Variants in SEC62 observed in about 807,000 individuals in gnomAD.
SEC62 encodes the protein SEC62 preprotein translocation factor.
Under a neutral mutation model 47.5 loss-of-function variants are expected in SEC62, and 10 were observed. The observed-to-expected ratio is 0.21, with a 90% CI of 0.13 to 0.36. The LOEUF (loss-of-function observed/expected upper bound fraction) is 0.36, where lower values mean the gene tolerates loss of function less well. Ranked by LOEUF, SEC62 falls within the 10% of genes least tolerant of loss-of-function variation. The pLI is 1.00. For missense variants in SEC62, 327 were observed against 464.1 expected, an observed-to-expected ratio of 0.70 and a Z score of 2.71; for synonymous variants, 136 against 150.5, an observed-to-expected ratio of 0.90 and a Z score of 0.71.
intron 1 of SEC62, among the ~76,000 whole-genome samples, chr3:169,967,241 C>T (rs1714553970): frequency 6.6e-6 from 1 of 152,190 alleles, no homozygotes; most frequent in Non-Finnish European, 1.5e-5. Context: ...TCCCTTCACC[C>T]CATCCTCTGG....
chr3:169,987,546 T>C lies in SEC62; in HGVS notation c.611-694T>C, dbSNP rs566584244. Among the ~76,000 whole-genome samples the C allele has an allele frequency of 8.5e-5, 13 of 152,378 alleles. No individual in the cohort carries two copies. In the South Asian group the frequency reaches 1.0e-3, roughly 12 times the overall value. ...AGAATAGGAAGAGACTTATTAAATA[T>C]AAGGTAACTTAGCCTCAAAAGAGTT... On this transcript the variant is annotated intron_variant, in intron 6 of 7. Transcript: ENST00000337002.
intron 6 of SEC62, among the ~76,000 whole-genome samples, chr3:169,987,840 G>T (rs895948511): frequency 5.9e-5 from 9 of 152,086 alleles, no homozygotes; most frequent in Non-Finnish European, 1.3e-4. Flanking sequence ...GAGGGGTCTT[G>T]GAAATCATTT....
rs1203192424 is a variant in SEC62 at position 169,983,257 on chromosome 3, A to G, written c.549+4A>G. Reference sequence around the variant, plus strand: ...GGTTTTTCTGGATGGAAATGAGGTGAGAGTAAGCCTATAACTAGAAGTTCA... The same window carrying G: ...GGTTTTTCTGGATGGAAATGAGGTGGGAGTAAGCCTATAACTAGAAGTTCA... On this transcript the variant is annotated splice_donor_region_variant and intron_variant, in intron 5 of 7. Transcript: ENST00000337002. 2 of 1,598,000 alleles carry G rather than the reference A, an allele frequency of 1.3e-6. No individual in the cohort carries two copies. The highest frequency in any genetic ancestry group is 2.7e-5 in the African/African-American group (2 of 74,268).
intron 6 of SEC62, 23 bp from the exon 7 acceptor site, chr3:169,988,217 A>T: frequency 1.2e-6 from 2 of 1,612,518 alleles, no homozygotes; most frequent in Non-Finnish European, 1.7e-6. Context: ...CTAAAATTTA[A>T]CTTTTGTCAT....
rs968841014 is a variant in SEC62, at chr3:169,979,008, G to A, written c.251+1957G>A. ...ATTAGATCTGTAAGCCCAAATCTCT[G>A]AGTAGAGCAGCCAGTATGAATCCAC... is the stretch of plus-strand genomic sequence containing the variant. On this transcript the variant is annotated intron_variant, in intron 3 of 7. Transcript: ENST00000337002. Among the ~76,000 whole-genome samples the A allele has an allele frequency of 2.0e-4, 30 of 152,174 alleles. 1 individual carries two copies. Among genetic ancestry groups the A allele is most frequent in the African/African-American group, 7.0e-4 (29 of 41,436 alleles).
At chr3:169,974,063 C>T (rs1029678239) in intron 1 of SEC62, among the ~76,000 whole-genome samples, 2 of 152,212 alleles carry the variant, frequency 1.3e-5, no homozygotes, top group Admixed American at 6.5e-5. Context: ...CTTCTCTTAA[C>T]TTTGGAAAAA....
Position 169,988,227 on chromosome 3 carries a change from T to C in SEC62, c.611-13T>C. On this transcript the variant is annotated splice_polypyrimidine_tract_variant and intron_variant, in intron 6 of 7. Coordinates refer to ENST00000337002, the MANE Select transcript of SEC62 (RefSeq NM_003262.4). ...TTATTCTAAAATTTAACTTTTGTCA[T>C]TTCTTGTTCCAGTGATTGCAGTAAT... 1 of 1,613,344 alleles carries C rather than the reference T, an allele frequency of 6.2e-7. No individual in the cohort carries two copies. Among genetic ancestry groups the C allele is most frequent in the Non-Finnish European group, 8.5e-7 (1 of 1,179,432 alleles).
chr3:169,975,487 G>A, intron 1 of SEC62, 121 bp from the exon 2 acceptor site: 4 of 588,108 alleles, frequency 6.8e-6, no homozygotes, highest in Non-Finnish European at 1.2e-5. Context: ...TCCAGAGAAA[G>A]CTTGAAAGCA....
At chr3:169,981,317 T>C (rs892604879) in intron 3 of SEC62, among the ~76,000 whole-genome samples, 3 of 152,172 alleles carry the variant, frequency 2.0e-5, no homozygotes, top group Admixed American at 1.3e-4. Flanking sequence ...CTGGACCTAA[T>C]TGGGGAGCAG....
chr3:169,968,783 G>T (rs1489155352), intron 1 of SEC62, among the ~76,000 whole-genome samples: 8 of 152,268 alleles, frequency 5.3e-5, no homozygotes, highest in Admixed American at 2.6e-4. Flanking sequence ...GAGTTATGTA[G>T]AGTATAGCTG....
Position 169,992,748 on chromosome 3 carries a change from A to G in SEC62, c.885A>G (p.Lys295=). 1 of 1,614,186 alleles carries G rather than the reference A, an allele frequency of 6.2e-7. No homozygotes were observed. Among genetic ancestry groups the G allele is most frequent in the Non-Finnish European group, 8.5e-7 (1 of 1,180,044 alleles). The part of the protein sequence containing the change: ...EYKGPKADLK[K]DEKSETKKQQ... Reference sequence around the variant, plus strand: ...AAGGACCAAAAGCAGACTTAAAGAAAGATGAGAAGTCTGAAACCAAAAAGC... The same window carrying G: ...AAGGACCAAAAGCAGACTTAAAGAAGGATGAGAAGTCTGAAACCAAAAAGC... Residue 295 remains lysine, a synonymous_variant, in exon 8 of 8, where the codon AAA becomes AAG. Coordinates refer to ENST00000337002, the MANE Select transcript of SEC62 (RefSeq NM_003262.4). This position sits in a 1 kb window ranked among gnomAD's most constrained non-coding sequence, Gnocchi z 4.0.
chr3:169,990,728 C>T (rs1715230752), intron 7 of SEC62, among the ~76,000 whole-genome samples: 1 of 152,150 alleles, frequency 6.6e-6, no homozygotes, highest in Non-Finnish European at 1.5e-5. Flanking sequence ...TAATTTTAAG[C>T]ATATTTACCT....
intron 1 of SEC62, among the ~76,000 whole-genome samples, chr3:169,968,111 A>C (rs1429598106): frequency 1.3e-5 from 2 of 152,238 alleles, no homozygotes; most frequent in Non-Finnish European, 2.9e-5. Context: ...TCTTAAGATC[A>C]GTAGAAGTTT....
intron 1 of SEC62, chr3:169,969,416 A>G (rs1419913157): frequency 4.4e-6 from 2 of 451,998 alleles, no homozygotes; most frequent in Non-Finnish European, 8.9e-6. Flanking sequence ...GTAACTACAT[A>G]TAGATTAACA....
At chr3:169,971,554 A>G (rs1272360211) in intron 1 of SEC62, among the ~76,000 whole-genome samples, 1 of 152,260 alleles carries the variant, frequency 6.6e-6, no homozygotes, top group East Asian at 1.9e-4. Context: ...GGGAGAGATT[A>G]TCCAAGTCCG....
At chr3:169,984,065 G>A (rs1715041694) in intron 5 of SEC62, 1 of 152,116 alleles carries the variant, frequency 6.6e-6, no homozygotes, top group Non-Finnish European at 1.5e-5. Flanking sequence ...GTTATATACT[G>A]GGCATTGAAC....
intron 1 of SEC62, among the ~76,000 whole-genome samples, chr3:169,967,537 G>T (rs1050335840): frequency 1.3e-5 from 2 of 152,182 alleles, no homozygotes; most frequent in African/African-American, 2.4e-5. Flanking sequence ...CAACGAGCTG[G>T]TGGAGCCCAG....
chr3:169,973,749 C>G (rs1490872889), intron 1 of SEC62, among the ~76,000 whole-genome samples: 1 of 151,976 alleles, frequency 6.6e-6, no homozygotes, highest in Non-Finnish European at 1.5e-5. Flanking sequence ...TTTATAGTAG[C>G]CTTCTTTTGG....
intron 3 of SEC62, among the ~76,000 whole-genome samples, chr3:169,977,454 A>C (rs1234211099): frequency 6.6e-6 from 1 of 152,222 alleles, no homozygotes; most frequent in Non-Finnish European, 1.5e-5. Flanking sequence ...CATAAGCCTC[A>C]TACCCTTTCC....
Sources: gnomAD v4.1 joint callset for allele counts (sites outside exome capture counted in the v4.1 genomes callset) on GRCh38, gnomAD v4.1.1 for gene constraint, Gnocchi (gnomAD v3.1) non-coding constraint, MANE v1.5 for transcripts, NCBI Gene and HGNC (gene_info 2026-07-23, HGNC 2026-07-21) for gene names.